Variants in SCN7A observed in about 807,000 individuals in gnomAD.
The protein encoded by SCN7A is sodium channel protein type 7 subunit alpha.
Under a neutral mutation model 155.2 loss-of-function variants are expected in SCN7A, and 138 were observed. The ratio of observed to expected loss-of-function variants is 0.89; its 90% confidence interval spans 0.77 to 1.02. The LOEUF is 1.02. Among genes scored for constraint, SCN7A ranks in the 50% least tolerant of loss-of-function variants. The probability of loss-of-function intolerance (pLI) is 0.00; values close to 1 mark genes in which losing one functional copy is unlikely to be tolerated. For missense variants in SCN7A, 2,058 were observed against 1,986.6 expected, an observed-to-expected ratio of 1.04 and a Z score of -0.68; for synonymous variants, 693 against 649.0, an observed-to-expected ratio of 1.07 and a Z score of -1.03.
rs569384844 is a variant in SCN7A at position 166,436,186 on chromosome 2, C to A, written c.2158-3434G>T. Among the ~76,000 whole-genome samples the A allele has an allele frequency of 3.3e-5, 5 of 152,306 alleles. No homozygotes were observed. The South Asian group carries it at 1.0e-3, about 32-fold the overall frequency. On this transcript the variant is annotated intron_variant, in intron 15 of 25. Transcript: ENST00000643258. ...TGAAATGGTTTGTCTTTGCTCCCAT[C>A]CAAATCTCATCTTGAATTGTAGTTC...
At chr2:166,414,004 A>ATAT (rs1559087806) in intron 21 of SCN7A, among the ~76,000 whole-genome samples, 1 of 45,806 alleles carries the variant, frequency 2.2e-5, no homozygotes, top group Non-Finnish European at 4.1e-5. Context: ...TATATATATA[A>ATAT]ATATACTATA....
At chr2:166,445,125 G>C (rs1234497734) in intron 12 of SCN7A, 125 bp from the exon 13 acceptor site, 1 of 615,604 alleles carries the variant, frequency 1.6e-6, no homozygotes, top group Admixed American at 2.9e-5. Flanking sequence ...AGACCAGCCT[G>C]GTCAATATAG....
intron 12 of SCN7A, among the ~76,000 whole-genome samples, chr2:166,447,017 G>A (rs1022311912): frequency 6.6e-6 from 1 of 152,142 alleles, no homozygotes; most frequent in African/African-American, 2.4e-5. Flanking sequence ...TCCTGCACAT[G>A]TATCCCAGAA....
rs1297384014 is a variant in SCN7A, at chr2:166,428,002, T to TGAAA, written c.2699-64_2699-61dup. ...GAAAACTCATGAAAAAGTAAACAAC[T>TGAAA]GAAACTTTCTACTATGTGCCACAGC... On this transcript the variant is annotated intron_variant, in intron 17 of 25. Coordinates refer to ENST00000643258, the MANE Select transcript of SCN7A (RefSeq NM_002976.4). 3.9e-6 allele frequency: 6 copies of TGAAA among 1,520,930 alleles called. No homozygotes were observed. In the African/African-American group the frequency reaches 8.3e-5, roughly 21 times the overall value. 94.2% of individuals were successfully genotyped at this position (1,520,930 alleles called of 1,614,324 possible). A position where few individuals can be genotyped will look rare whatever the true frequency, so the allele number is the denominator to read the frequency against.
Position 166,414,309 on chromosome 2 carries a change from T to C in SCN7A, c.3415-1188A>G, listed in dbSNP as rs560744134. ...ATACACACACATATATATATATATA[T>C]ATACACATATATATATATATATGAA... On this transcript the variant is annotated intron_variant, in intron 21 of 25. Coordinates refer to ENST00000643258, the MANE Select transcript of SCN7A (RefSeq NM_002976.4). 1.1e-4 allele frequency among the ~76,000 whole-genome samples: 9 copies of C among 84,062 alleles called. 1 individual carries two copies. Among genetic ancestry groups the C allele is most frequent in the Admixed American group, 1.8e-4 (1 of 5,708 alleles). The allele number at this position is 84,062 out of a possible 152,430, so 55.1% of individuals were successfully genotyped here.
Position 166,429,198 on chromosome 2 carries a change from C to T in SCN7A, c.2669G>A (p.Gly890Glu), listed in dbSNP as rs1314648366. The T allele has an allele frequency of 8.4e-6, 13 of 1,544,952 alleles. No individual in the cohort carries two copies. Among genetic ancestry groups the T allele is most frequent in the Non-Finnish European group, 1.0e-5 (12 of 1,143,584 alleles). The change falls in exon 17 of 26, where the codon GGA (glycine) becomes GAA (glutamate). Residue 890 changes from glycine to glutamate, a missense_variant. Coordinates refer to ENST00000643258, the MANE Select transcript of SCN7A (RefSeq NM_002976.4). ...AISEEEEMFY[G>E]GERSKHLKNG... ...TTTCAGATGCTTTGATCTTTCACCT[C>T]CATAGAACATTTCTTCTTCTTCAGA... is the stretch of plus-strand genomic sequence containing the variant.
chr2:166,451,420 A>C (rs1027380847), intron 11 of SCN7A, among the ~76,000 whole-genome samples: 2 of 152,234 alleles, frequency 1.3e-5, no homozygotes, highest in Non-Finnish European at 1.5e-5. Context: ...GATATTTAAG[A>C]GCTAATAAGG....
Position 166,412,661 on chromosome 2 carries a change from T to C in SCN7A, c.3475A>G (p.Ile1159Val). ...NSAIDSVAVN[I>V]QPHFEVNIYM... ...ATGTTGACTTCAAAATGAGGCTGTA[T>C]ATTAACCTAGAAGTTTAAAATAAGC... The change falls in exon 23 of 26, where the codon ATA (isoleucine) becomes GTA (valine). Residue 1159 changes from isoleucine to valine, a missense_variant. Coordinates refer to ENST00000643258, the MANE Select transcript of SCN7A (RefSeq NM_002976.4). 1 of 1,500,634 alleles carries C rather than the reference T, an allele frequency of 6.7e-7. No individual in the cohort carries two copies. Among genetic ancestry groups the C allele is most frequent in the African/African-American group, 1.4e-5 (1 of 69,906 alleles). The allele number at this position is 1,500,634 out of a possible 1,614,324, so 93.0% of individuals were successfully genotyped here.
At chr2:166,477,414 GAAATA>G in intron 3 of SCN7A, 44 bp downstream of exon 3, 1 of 1,144,640 alleles carries the variant, frequency 8.7e-7, no homozygotes. Context: ...TGTATGTCTG[GAAATA>G]AAATAATAAA....
chr2:166,475,539 T>A (rs1018646128), intron 3 of SCN7A, among the ~76,000 whole-genome samples: 1 of 151,754 alleles, frequency 6.6e-6, no homozygotes, highest in Non-Finnish European at 1.5e-5. Context: ...CACTTTGACC[T>A]ACACTATAGC....
At chr2:166,453,661 TA>T (rs1702221124) in intron 11 of SCN7A, among the ~76,000 whole-genome samples, 1 of 152,194 alleles carries the variant, frequency 6.6e-6, no homozygotes. Context: ...ATCTATTAAG[TA>T]GCTAAATTAG....
chr2:166,480,355 G>T (rs1473236754), intron 2 of SCN7A, among the ~76,000 whole-genome samples: 1 of 151,926 alleles, frequency 6.6e-6, no homozygotes, highest in South Asian at 2.1e-4. Flanking sequence ...CTACTCGAGA[G>T]GCTGAGGCAG....
rs116563894 is a variant in SCN7A, at chr2:166,426,130, T to C, written c.2853+1658A>G. 2.9e-3 allele frequency among the ~76,000 whole-genome samples: 445 copies of C among 152,226 alleles called. 6 individuals are homozygous for C. Among genetic ancestry groups the C allele is most frequent in the African/African-American group, 9.9e-3 (411 of 41,562 alleles). On this transcript the variant is annotated intron_variant, in intron 18 of 25. Coordinates refer to ENST00000643258, the MANE Select transcript of SCN7A (RefSeq NM_002976.4). ...AGATACAACGCCTGGTAGACCTCTTTAGGATTTGAAAGCAAAATTTCACAC... is the reference window on the plus strand; with the variant it reads ...AGATACAACGCCTGGTAGACCTCTTCAGGATTTGAAAGCAAAATTTCACAC...
Position 166,465,476 on chromosome 2 carries a change from G to T in SCN7A, c.927C>A (p.Asn309Lys). ...EGERYALLCG[N>K]RTDAGQCPEG... Reference sequence around the variant, plus strand: ...ATACCACCTACCCAGCATCTGTCCTGTTGCCACAAAGGAGAGCATATCTTT... The same window carrying T: ...ATACCACCTACCCAGCATCTGTCCTTTTGCCACAAAGGAGAGCATATCTTT... The change falls in exon 9 of 26, where the codon AAC becomes AAA. Residue 309 changes from asparagine (N) to lysine (K), a missense_variant. By Grantham distance (94) the Asn-to-Lys change is moderately conservative. Coordinates refer to ENST00000643258, the MANE Select transcript of SCN7A (RefSeq NM_002976.4). 2 of 1,609,628 alleles carry T rather than the reference G, an allele frequency of 1.2e-6. No individual in the cohort carries two copies. Among genetic ancestry groups the T allele is most frequent in the Non-Finnish European group, 1.7e-6 (2 of 1,177,330 alleles).
chr2:166,481,418 C>CA (rs895534241), intron 2 of SCN7A, among the ~76,000 whole-genome samples: 5 of 151,890 alleles, frequency 3.3e-5, no homozygotes, highest in Admixed American at 6.6e-5. Context: ...AAATTTACTA[C>CA]AAAAAAATAT....
rs763793011 is a variant in SCN7A, at chr2:166,465,911, A to G, written c.741T>C (p.Phe247=). ...LIGVIILTLF[F]LSIFSLIGMG... is the part of the protein sequence containing the mutation. ...TCCCAATTAGAGAAAATATGCTCAG[A>G]AAAAACAGAGTTAGGATAATGACAC... is the stretch of plus-strand genomic sequence containing the variant. The change falls in exon 8 of 26, where the codon TTT becomes TTC. Residue 247 remains phenylalanine (F), a synonymous_variant. Coordinates refer to ENST00000643258, the MANE Select transcript of SCN7A (RefSeq NM_002976.4). 8.1e-6 allele frequency: 13 copies of G among 1,613,854 alleles called. No individual in the cohort carries two copies. The highest frequency in any genetic ancestry group is 2.2e-5 in the East Asian group (1 of 44,860).
intron 3 of SCN7A, 127 bp downstream of exon 3, chr2:166,477,336 T>TA: frequency 2.7e-6 from 2 of 729,210 alleles, no homozygotes; most frequent in South Asian, 4.4e-5. Context: ...TGTCGTTCTG[T>TA]AAAATTTAAA....
At chr2:166,435,463 T>A (rs1701820205) in intron 15 of SCN7A, among the ~76,000 whole-genome samples, 2 of 152,096 alleles carry the variant, frequency 1.3e-5, no homozygotes, top group African/African-American at 4.8e-5. Flanking sequence ...CAAAACTTTT[T>A]AAAAAATTCC....
At chr2:166,461,048 C>CT (rs34717897) in intron 10 of SCN7A, among the ~76,000 whole-genome samples, 11,696 of 96,604 alleles carry the variant, frequency 0.12, 721 homozygotes, top group East Asian at 0.17. Context: ...GTAATATTTT[C>CT]TTTTTTTTTT....
Sources: gnomAD v4.1 joint callset for allele counts (sites outside exome capture counted in the v4.1 genomes callset) on GRCh38, gnomAD v4.1.1 for gene constraint, MANE v1.5 for transcripts, NCBI Gene and HGNC (gene_info 2026-07-23, HGNC 2026-07-21) for gene names.